The following FCAR variants were observed in gnomAD, a reference collection of about 807,000 sequenced individuals.
FCAR encodes immunoglobulin alpha Fc receptor.
FCAR carries 21 observed loss-of-function variants against 27.1 expected under a neutral mutation model. That is an observed-to-expected ratio of 0.77 (90% CI 0.55 to 1.11). The LOEUF (loss-of-function observed/expected upper bound fraction) is 1.11. FCAR is among the 50% of genes most tolerant of loss of function. FCAR has a pLI of 0.00. For missense variants in FCAR, 404 were observed against 358.4 expected (o/e 1.13, Z -1.03); for synonymous variants, 134 against 135.8 (o/e 0.99, Z 0.09).
intron 1 of FCAR, among the ~76,000 whole-genome samples, chr19:54,874,744 A>G (rs954611954): frequency 1.3e-5 from 2 of 152,246 alleles, no homozygotes; most frequent in African/African-American, 4.8e-5. Flanking sequence ...CAACAAAGAT[A>G]TTATCCAGAA....
rs948028143 is a variant in FCAR at position 54,889,521 on chromosome 19, AG to A, written c.650-124del. ...GTGCTGGCGAAGCATGAGCTCATTG[AG>A]GGGATGCTTGAGGGAGTCCCATTTT... On this transcript the variant is annotated intron_variant, in intron 4 of 4. Coordinates refer to ENST00000355524, the MANE Select transcript of FCAR (RefSeq NM_002000.4). 7.1e-5 allele frequency: 52 copies of A among 730,564 alleles called. No individual in the cohort carries two copies. In the Admixed American group the frequency reaches 9.6e-4, roughly 13 times the overall value. 45.3% of individuals were successfully genotyped at this position (730,564 alleles called of 1,614,324 possible). A position where few individuals can be genotyped will look rare whatever the true frequency, so the allele number is the denominator to read the frequency against.
In FCAR at chr19:54,889,766, A is replaced by G. The variant is rs769204676; in HGVS notation, c.767A>G (p.Asn256Ser). 13 of 1,613,880 alleles carry G rather than the reference A, an allele frequency of 8.1e-6. No homozygotes were observed. The Admixed American group carries it at 2.2e-4, about 27-fold the overall frequency. ...VENWHSHTAL[N>S]KEASADVAEP... Reference sequence around the variant, plus strand: ...AATTGGCACAGCCATACGGCACTGAACAAGGAAGCCTCGGCAGATGTGGCT... The same window carrying G: ...AATTGGCACAGCCATACGGCACTGAGCAAGGAAGCCTCGGCAGATGTGGCT... The change falls in exon 5 of 5, where the codon AAC (asparagine) becomes AGC (serine). Residue 256 changes from asparagine to serine, a missense_variant. Physicochemically the swap from Asn to Ser is conservative, Grantham distance 46 (BLOSUM62 1). Coordinates refer to ENST00000355524, the MANE Select transcript of FCAR (RefSeq NM_002000.4).
chr19:54,886,301 ATTTT>A (rs1317590546), intron 3 of FCAR, among the ~76,000 whole-genome samples: 1 of 17,408 alleles, frequency 5.7e-5, no homozygotes, highest in East Asian at 6.5e-4. Context: ...ATGTATCTTT[ATTTT>A]TTTTTTTTTT....
chr19:54,885,367 A>C lies in FCAR; in HGVS notation c.203A>C (p.Tyr68Ser). The C allele has an allele frequency of 6.2e-7, 1 of 1,614,112 alleles. No individual in the cohort carries two copies. Among genetic ancestry groups the C allele is most frequent in the South Asian group, 1.1e-5 (1 of 91,074 alleles). Reference protein sequence around the residue: ...TQLMIIKNSTYREIGRRLKFW... With the variant: ...TQLMIIKNSTSREIGRRLKFW... ...CTGATGATCATAAAAAACTCCACGT[A>C]CCGAGAGATAGGCAGAAGACTGAAG... The change falls in exon 3 of 5, where the codon TAC becomes TCC. Residue 68 changes from tyrosine to serine, a missense_variant. Coordinates refer to ENST00000355524, the MANE Select transcript of FCAR (RefSeq NM_002000.4).
At chr19:54,883,355 T>C (rs1210519785) in intron 2 of FCAR, among the ~76,000 whole-genome samples, 1 of 152,106 alleles carries the variant, frequency 6.6e-6, no homozygotes, top group Non-Finnish European at 1.5e-5. Flanking sequence ...GGTCCATTCT[T>C]GGGCCTTGGA....
chr19:54,874,980 C>A (rs894723941), intron 1 of FCAR, among the ~76,000 whole-genome samples: 6 of 152,030 alleles, frequency 3.9e-5, no homozygotes, highest in Non-Finnish European at 8.8e-5. Flanking sequence ...ACCATCCTGG[C>A]CAACATGGTG....
At chr19:54,881,541 T>C (rs1009900782) in intron 2 of FCAR, among the ~76,000 whole-genome samples, 1 of 151,994 alleles carries the variant, frequency 6.6e-6, no homozygotes, top group African/African-American at 2.4e-5. Context: ...GAGAGGAGAC[T>C]GAGCTCCTCT....
Position 54,874,305 on chromosome 19 carries a change from A to G in FCAR, c.16A>G (p.Thr6Ala). The change falls in exon 1 of 5, where the codon ACC becomes GCC. Residue 6 changes from threonine (T) to alanine (A), a missense_variant. Transcript: ENST00000355524. ...TGTCAGCACGATGGACCCCAAACAGACCACCCTCCTGTGTCTTGGTGAGTT... is the reference window on the plus strand; with the variant it reads ...TGTCAGCACGATGGACCCCAAACAGGCCACCCTCCTGTGTCTTGGTGAGTT... MDPKQ[T>A]TLLCLVLCLG... 6.2e-7 allele frequency: 1 copy of G among 1,614,152 alleles called. No homozygotes were observed. Among genetic ancestry groups the G allele is most frequent in the East Asian group, 2.2e-5 (1 of 44,870 alleles).
At chr19:54,883,414 G>A (rs1225621988) in intron 2 of FCAR, among the ~76,000 whole-genome samples, 4 of 152,132 alleles carry the variant, frequency 2.6e-5, no homozygotes, top group African/African-American at 9.7e-5. Context: ...CCTTTGTTAG[G>A]ATTGTTCTGC....
At chr19:54,876,519 C>T (rs112952883) in intron 2 of FCAR, among the ~76,000 whole-genome samples, 2,249 of 152,080 alleles carry the variant, frequency 0.015, 51 homozygotes, top group African/African-American at 0.051. Context: ...CCTAGTTTGT[C>T]GAGGTTTTTT....
chr19:54,885,638 A>G (rs1217871480), intron 3 of FCAR, 113 bp downstream of exon 3: 1 of 786,582 alleles, frequency 1.3e-6, no homozygotes, highest in Non-Finnish European at 2.0e-6. Flanking sequence ...TGATTGCTTC[A>G]GAGAGTTCTC....
In FCAR at chr19:54,890,205, T is replaced by G; in HGVS notation, c.*342T>G. ...CTGACCTCAGGTGATCCACCCACCT[T>G]GGCCTCCCAAAGTGCTGAGATTATA... On this transcript the variant is annotated 3_prime_UTR_variant, in exon 5 of 5. Transcript: ENST00000355524. The G allele has an allele frequency of 3.1e-6, 1 of 321,836 alleles. No individual in the cohort carries two copies. 19.9% of individuals were successfully genotyped at this position (321,836 alleles called of 1,614,324 possible).
intron 2 of FCAR, among the ~76,000 whole-genome samples, chr19:54,876,655 C>T (rs144449269): frequency 0.014 from 2,098 of 152,240 alleles, 25 homozygotes; most frequent in Non-Finnish European, 0.022. Context: ...CACTGTGGCT[C>T]ATGCCTGTAA....
chr19:54,884,076 G>A (rs587643860), intron 2 of FCAR, among the ~76,000 whole-genome samples: 3 of 152,326 alleles, frequency 2.0e-5, no homozygotes, highest in South Asian at 2.1e-4. Flanking sequence ...CAAGTGGCAG[G>A]GGTGGGTGGA....
intron 3 of FCAR, among the ~76,000 whole-genome samples, chr19:54,887,346 C>G (rs1569533103): frequency 6.6e-6 from 1 of 152,136 alleles, no homozygotes; most frequent in East Asian, 1.9e-4. Context: ...AGAGGCTGGG[C>G]ACTGTGGTTC....
chr19:54,887,007 CGTGCCTGTA>C (rs2066768863), intron 3 of FCAR, among the ~76,000 whole-genome samples: 2 of 148,392 alleles, frequency 1.3e-5, no homozygotes, highest in Admixed American at 6.9e-5. Flanking sequence ...CACCGTGGCT[CGTGCCTGTA>C]ATCCCAGCAC....
Position 54,888,043 on chromosome 19 carries a change from G to A in FCAR, c.398G>A (p.Gly133Asp), listed in dbSNP as rs1392760845. Reference sequence around the variant, plus strand: ...AAACCCTTCCTCTCTGCAGATCGGGGTCTGGTGTTGATGCCAGGAGAGAAT... The same window carrying A: ...AAACCCTTCCTCTCTGCAGATCGGGATCTGGTGTTGATGCCAGGAGAGAAT... ...YGKPFLSADR[G>D]LVLMPGENIS... Residue 133 changes from glycine (G) to aspartate (D), a missense_variant, in exon 4 of 5, where the codon GGT becomes GAT. Coordinates refer to ENST00000355524, the MANE Select transcript of FCAR (RefSeq NM_002000.4). The A allele has an allele frequency of 6.2e-7, 1 of 1,614,094 alleles. No individual in the cohort carries two copies. The highest frequency in any genetic ancestry group is 8.5e-7 in the Non-Finnish European group (1 of 1,179,972).
chr19:54,875,097 G>T (rs1015909556), intron 1 of FCAR, among the ~76,000 whole-genome samples: 1 of 151,910 alleles, frequency 6.6e-6, no homozygotes, highest in Non-Finnish European at 1.5e-5. Context: ...CATGAACCTG[G>T]GAGGCAGAGC....
intron 3 of FCAR, among the ~76,000 whole-genome samples, chr19:54,885,927 C>T (rs1319353342): frequency 1.3e-5 from 2 of 152,112 alleles, no homozygotes; most frequent in Non-Finnish European, 1.5e-5. Context: ...GCCTGGCCAA[C>T]ATGGTGAATT....
Sources: allele counts gnomAD v4.1 joint callset (sites outside exome capture counted in the v4.1 genomes callset), GRCh38; gene constraint gnomAD v4.1.1; transcripts MANE v1.5; gene names NCBI Gene and HGNC (gene_info 2026-07-23, HGNC 2026-07-21).